CYP19A1: variants seen among roughly 807,000 people sequenced by gnomAD.
The protein encoded by CYP19A1 is aromatase.
A neutral mutation model predicts 44.4 loss-of-function variants in CYP19A1; 32 were observed. The ratio of observed to expected loss-of-function variants is 0.72; its 90% CI spans 0.54 to 0.97. CYP19A1 has a LOEUF of 0.97. CYP19A1 is among the 50% of genes least tolerant of loss of function. CYP19A1 has a pLI of 0.00. For missense variants in CYP19A1, 598 were observed against 637.8 expected, an observed-to-expected ratio of 0.94 and a Z score of 0.67; for synonymous variants, 212 against 215.6, an observed-to-expected ratio of 0.98 and a Z score of 0.14.
At chr15:51,274,038 G>A (rs761902247) in intron 1 of CYP19A1, among the ~76,000 whole-genome samples, 1 of 151,850 alleles carries the variant, frequency 6.6e-6, no homozygotes, top group Non-Finnish European at 1.5e-5. Flanking sequence ...AAAGACATAA[G>A]TGGCCCTCTT....
At chr15:51,238,245 C>T (rs932515055) in intron 2 of CYP19A1, among the ~76,000 whole-genome samples, 25 of 152,182 alleles carry the variant, frequency 1.6e-4, no homozygotes, top group Non-Finnish European at 2.8e-4. Flanking sequence ...CAGTAGATGA[C>T]TGACTTTGTA....
chr15:51,246,086 C>T (rs2141131391), intron 1 of CYP19A1, among the ~76,000 whole-genome samples: 1 of 152,318 alleles, frequency 6.6e-6, no homozygotes, highest in East Asian at 1.9e-4. Flanking sequence ...TGGAAAGGTC[C>T]TTTGAGATTC....
chr15:51,269,693 C>T (rs1253222052), intron 1 of CYP19A1, among the ~76,000 whole-genome samples: 3 of 152,150 alleles, frequency 2.0e-5, no homozygotes. Context: ...CTAGTGGTAG[C>T]CCATTCCAGC....
chr15:51,283,857 A>G (rs2035611898), intron 1 of CYP19A1, among the ~76,000 whole-genome samples: 2 of 152,268 alleles, frequency 1.3e-5, no homozygotes, highest in South Asian at 2.1e-4. Context: ...GCGTACAACA[A>G]TTGTCCCCTG....
chr15:51,225,483 G>C (rs1566878504), intron 4 of CYP19A1, among the ~76,000 whole-genome samples: 1 of 152,206 alleles, frequency 6.6e-6, no homozygotes, highest in Non-Finnish European at 1.5e-5. Flanking sequence ...TTTGTGGATA[G>C]GGGAACTGAA....
At chr15:51,283,655 C>A (rs1486057706) in intron 1 of CYP19A1, among the ~76,000 whole-genome samples, 2 of 152,180 alleles carry the variant, frequency 1.3e-5, no homozygotes, top group East Asian at 3.8e-4. Context: ...AAAAGGAAAT[C>A]AAAAGGCAAG....
intron 2 of CYP19A1, among the ~76,000 whole-genome samples, chr15:51,238,390 TTTATA>T (rs1215729583): frequency 6.6e-6 from 1 of 152,254 alleles, no homozygotes; most frequent in African/African-American, 2.4e-5. Flanking sequence ...TCACTGGATA[TTTATA>T]GCTTGGCACA....
chr15:51,231,576 G>C (rs1204435537), intron 3 of CYP19A1, among the ~76,000 whole-genome samples: 1 of 151,878 alleles, frequency 6.6e-6, no homozygotes, highest in Non-Finnish European at 1.5e-5. Flanking sequence ...TTCTGTGCTT[G>C]CACCTGGCAG....
intron 1 of CYP19A1, among the ~76,000 whole-genome samples, chr15:51,328,786 G>C (rs7168331): frequency 0.43 from 66,097 of 151,974 alleles, 15,381 homozygotes; most frequent in African/African-American, 0.59. Context: ...GAATGAGTTG[G>C]AGTAAAGCAG....
intron 9 of CYP19A1, chr15:51,211,705 T>C: frequency 2.3e-6 from 1 of 437,440 alleles, no homozygotes; most frequent in Non-Finnish European, 4.5e-6. Flanking sequence ...AAAAGGGCAC[T>C]TAGGGAACTG....
chr15:51,263,866 G>T (rs1425801943), intron 1 of CYP19A1, among the ~76,000 whole-genome samples: 1 of 152,234 alleles, frequency 6.6e-6, no homozygotes, highest in Non-Finnish European at 1.5e-5. Flanking sequence ...CAGTGTGGAG[G>T]TCCCAGCTGA....
chr15:51,266,619 T>C (rs2034928023), intron 1 of CYP19A1, among the ~76,000 whole-genome samples: 1 of 152,262 alleles, frequency 6.6e-6, no homozygotes, highest in African/African-American at 2.4e-5. Flanking sequence ...TCCATGGGTT[T>C]ACTTCATTTG....
rs183040954 is a variant in CYP19A1, at chr15:51,277,819, C to T, written c.-38-34869G>A. On this transcript the variant is annotated intron_variant, in intron 1 of 9. Coordinates refer to ENST00000396402, the MANE Select transcript of CYP19A1 (RefSeq NM_000103.4). ...AACTGTTTTCTGATCACAAATATCA[C>T]GTTTTTTTAAAAAAATCAAAAAGCA... Among the ~76,000 whole-genome samples the T allele has an allele frequency of 1.1e-4, 17 of 151,938 alleles. No individual in the cohort carries two copies. The East Asian group carries it at 2.1e-3, about 19-fold the overall frequency.
In CYP19A1 at chr15:51,212,672, T is replaced by C. The variant is rs561436021; in HGVS notation, c.1022-111A>G. ...ACCGTTTGCTCTTGGTTGAAAAAAA[T>C]TGTGGCTCTAATTCTAATGCACACC... On this transcript the variant is annotated intron_variant, in intron 8 of 9. Coordinates refer to ENST00000396402, the MANE Select transcript of CYP19A1 (RefSeq NM_000103.4). The C allele has an allele frequency of 2.0e-4, 149 of 760,470 alleles. 1 individual carries two copies. The highest frequency in any genetic ancestry group is 6.9e-4 in the African/African-American group (40 of 57,974). The allele number at this position is 760,470 out of a possible 1,614,324, so 47.1% of individuals were successfully genotyped here.
At chr15:51,248,655 GTCTC>G (rs1283395509) in intron 1 of CYP19A1, among the ~76,000 whole-genome samples, 1 of 152,148 alleles carries the variant, frequency 6.6e-6, no homozygotes, top group Non-Finnish European at 1.5e-5. Flanking sequence ...AGGGATCTGT[GTCTC>G]TCTCTTTCAG....
chr15:51,263,975 G>T (rs1014771953), intron 1 of CYP19A1, among the ~76,000 whole-genome samples: 2 of 152,140 alleles, frequency 1.3e-5, no homozygotes, highest in South Asian at 4.2e-4. Context: ...GAGTAAATCT[G>T]GGAACAACTG....
intron 1 of CYP19A1, among the ~76,000 whole-genome samples, chr15:51,316,677 G>GAGAGC (rs1454016571): frequency 4.7e-5 from 7 of 149,564 alleles, no homozygotes; most frequent in African/African-American, 1.7e-4. Flanking sequence ...CCAGGAGTTG[G>GAGAGC]AGAGCAGCCT....
At chr15:51,327,530 G>C (rs1017624087) in intron 1 of CYP19A1, among the ~76,000 whole-genome samples, 1 of 145,710 alleles carries the variant, frequency 6.9e-6, no homozygotes, top group African/African-American at 2.6e-5. Context: ...ATCTTGCTCT[G>C]TCATATAGTG....
At chr15:51,275,012 T>C (rs1400244283) in intron 1 of CYP19A1, among the ~76,000 whole-genome samples, 2 of 152,182 alleles carry the variant, frequency 1.3e-5, no homozygotes, top group Non-Finnish European at 2.9e-5. Flanking sequence ...TGGTGACATG[T>C]CACTTGGCCC....
Sources: allele counts gnomAD v4.1 joint callset (sites outside exome capture counted in the v4.1 genomes callset), GRCh38; gene constraint gnomAD v4.1.1; transcripts MANE v1.5; gene names NCBI Gene and HGNC (gene_info 2026-07-23, HGNC 2026-07-21).